The following IGFBP7 variants were observed in gnomAD, a reference collection of about 807,000 sequenced individuals.
IGFBP7 encodes the protein insulin-like growth factor-binding protein 7.
A neutral mutation model predicts 29.4 loss-of-function variants in IGFBP7; 31 were observed. The observed-to-expected ratio is 1.05, with a 90% CI of 0.79 to 1.42. IGFBP7 has a LOEUF of 1.42. IGFBP7 is among the 40% of genes most tolerant of loss of function. The pLI is 0.00. For synonymous variants in IGFBP7, 172 were observed against 174.9 expected (o/e 0.98, Z 0.13); for missense variants, 393 against 395.5 (o/e 0.99, Z 0.05).
intron 1 of IGFBP7, among the ~76,000 whole-genome samples, chr4:57,094,614 T>TA (rs1330676838): frequency 2.6e-5 from 4 of 152,368 alleles, no homozygotes; most frequent in African/African-American, 9.6e-5. Context: ...ACGTGTTTGT[T>TA]AAACTGCATC....
intron 2 of IGFBP7, among the ~76,000 whole-genome samples, chr4:57,038,003 T>C (rs1724124127): frequency 6.6e-6 from 1 of 152,192 alleles, no homozygotes; most frequent in African/African-American, 2.4e-5. Flanking sequence ...AAAACATAAC[T>C]GATCGGGGTG....
intron 1 of IGFBP7, among the ~76,000 whole-genome samples, chr4:57,055,346 TA>T (rs924570581): frequency 1.3e-5 from 2 of 151,970 alleles, no homozygotes; most frequent in African/African-American, 2.4e-5. Context: ...ACAGGTATCT[TA>T]AAAAAAACTC....
intron 1 of IGFBP7, among the ~76,000 whole-genome samples, chr4:57,083,945 T>C (rs1275874285): frequency 6.6e-6 from 1 of 152,250 alleles, no homozygotes; most frequent in Non-Finnish European, 1.5e-5. Context: ...GCATGTGGTA[T>C]GAAGCAGGGC....
chr4:57,069,541 G>C lies in IGFBP7; in HGVS notation c.476-28608C>G, dbSNP rs1725008062. Among the ~76,000 whole-genome samples, 3 of 152,308 alleles carry C rather than the reference G, an allele frequency of 2.0e-5. No individual in the cohort carries two copies. The Middle Eastern group carries it at 0.01, about 518-fold the overall frequency. On this transcript the variant is annotated intron_variant, in intron 1 of 4. Coordinates refer to ENST00000295666, the MANE Select transcript of IGFBP7 (RefSeq NM_001553.3). Reference sequence around the variant, plus strand: ...TGTCCTTCTGTGGTGGCACCTGCCTGTAGTCACAGCTACTCGGGAGGTGGA... The same window carrying C: ...TGTCCTTCTGTGGTGGCACCTGCCTCTAGTCACAGCTACTCGGGAGGTGGA...
chr4:57,050,494 C>T (rs990316346), intron 1 of IGFBP7, among the ~76,000 whole-genome samples: 8 of 151,994 alleles, frequency 5.3e-5, no homozygotes, highest in South Asian at 2.1e-4. Flanking sequence ...ATCCACCTGC[C>T]TCAGCCTCCC....
At chr4:57,039,702 T>G (rs1724173335) in intron 2 of IGFBP7, among the ~76,000 whole-genome samples, 1 of 147,588 alleles carries the variant, frequency 6.8e-6, no homozygotes, top group Non-Finnish European at 1.5e-5. Flanking sequence ...CACAGCTCAC[T>G]GCAGCCTCAA....
chr4:57,052,675 C>T (rs898932920), intron 1 of IGFBP7, among the ~76,000 whole-genome samples: 4 of 152,134 alleles, frequency 2.6e-5, no homozygotes, highest in African/African-American at 9.7e-5. Flanking sequence ...AGGGCCAGTC[C>T]ATCTAAGAGC....
chr4:57,046,135 G>A (rs1470405369), intron 1 of IGFBP7, among the ~76,000 whole-genome samples: 1 of 152,162 alleles, frequency 6.6e-6, no homozygotes, highest in Non-Finnish European at 1.5e-5. Flanking sequence ...GGGACACCAA[G>A]AGGACAAGTC....
intron 1 of IGFBP7, among the ~76,000 whole-genome samples, chr4:57,086,028 C>G (rs992316771): frequency 6.6e-6 from 1 of 152,172 alleles, no homozygotes; most frequent in Non-Finnish European, 1.5e-5. Flanking sequence ...ATACCTGAGA[C>G]TGGGTAATTT....
chr4:57,069,220 T>A (rs1471626013), intron 1 of IGFBP7, among the ~76,000 whole-genome samples: 4 of 152,088 alleles, frequency 2.6e-5, no homozygotes, highest in African/African-American at 9.7e-5. Flanking sequence ...GAAACTCAAC[T>A]TAGTGGGGAA....
At chr4:57,081,550 A>G (rs1725367370) in intron 1 of IGFBP7, among the ~76,000 whole-genome samples, 1 of 151,824 alleles carries the variant, frequency 6.6e-6, no homozygotes, top group Non-Finnish European at 1.5e-5. Flanking sequence ...TGACCCTTCT[A>G]TCAGGGCAGG....
chr4:57,103,148 C>A (rs2109805666), intron 1 of IGFBP7, among the ~76,000 whole-genome samples: 1 of 152,312 alleles, frequency 6.6e-6, no homozygotes, highest in Admixed American at 6.5e-5. Flanking sequence ...AGAGGGAAGT[C>A]TTGGGAAGGA....
At chr4:57,068,955 G>A (rs1223565570) in intron 1 of IGFBP7, among the ~76,000 whole-genome samples, 1 of 152,122 alleles carries the variant, frequency 6.6e-6, no homozygotes, top group Non-Finnish European at 1.5e-5. Context: ...CCTTCTGAAG[G>A]ACACGAGAGA....
At chr4:57,074,039 ATCTCTCTCTC>A (rs10569950) in intron 1 of IGFBP7, among the ~76,000 whole-genome samples, 3 of 107,446 alleles carry the variant, frequency 2.8e-5, no homozygotes, top group African/African-American at 6.4e-5. Context: ...TGGAAAATGC[ATCTCTCTCTC>A]TCTCTCTCTC....
At chr4:57,074,155 A>G (rs1376566364) in intron 1 of IGFBP7, among the ~76,000 whole-genome samples, 15 of 152,060 alleles carry the variant, frequency 9.9e-5, no homozygotes, top group African/African-American at 3.6e-4. Flanking sequence ...CCACCTCCCA[A>G]GTTCAAGCGA....
chr4:57,045,411 G>A lies in IGFBP7; in HGVS notation c.476-4478C>T, dbSNP rs77383374. Among the ~76,000 whole-genome samples, 441 of 152,270 alleles carry A rather than the reference G, an allele frequency of 2.9e-3. 16 individuals are homozygous for A. The East Asian group carries it at 0.077, about 26-fold the overall frequency. ...CAATGAAAAGTTTAACAAACAATAC[G>A]TAAACTGGAAAGTGCTAAGAAATAA... On this transcript the variant is annotated intron_variant, in intron 1 of 4. Coordinates refer to ENST00000295666, the MANE Select transcript of IGFBP7 (RefSeq NM_001553.3).
intron 1 of IGFBP7, among the ~76,000 whole-genome samples, chr4:57,104,461 G>A (rs1560510376): frequency 6.6e-6 from 1 of 152,074 alleles, no homozygotes; most frequent in Non-Finnish European, 1.5e-5. Context: ...AGATAAACCA[G>A]ACAATTAACA....
intron 1 of IGFBP7, among the ~76,000 whole-genome samples, chr4:57,066,035 T>C (rs771868975): frequency 6.6e-6 from 1 of 152,184 alleles, no homozygotes; most frequent in Non-Finnish European, 1.5e-5. Flanking sequence ...TGAGTATCAC[T>C]AGAGTATCTG....
intron 2 of IGFBP7, among the ~76,000 whole-genome samples, chr4:57,036,577 C>G (rs1724089077): frequency 6.6e-6 from 1 of 152,152 alleles, no homozygotes; most frequent in Non-Finnish European, 1.5e-5. Flanking sequence ...GTTCACGTTC[C>G]CATTTCAAAA....
Sources: allele counts gnomAD v4.1 joint callset (sites outside exome capture counted in the v4.1 genomes callset), GRCh38; gene constraint gnomAD v4.1.1; transcripts MANE v1.5; gene names NCBI Gene and HGNC (gene_info 2026-07-23, HGNC 2026-07-21).